LRRC24: variants seen among roughly 807,000 people sequenced by gnomAD.
LRRC24 encodes the protein leucine-rich repeat-containing protein 24.
A neutral mutation model predicts 15.3 loss-of-function variants in LRRC24; 19 were observed. That is an observed-to-expected ratio of 1.25 (90% CI 0.87 to 1.83). The LOEUF (loss-of-function observed/expected upper bound fraction) is 1.83. Ranked by LOEUF, LRRC24 falls within the 40% of genes most tolerant of loss-of-function variation. The probability of loss-of-function intolerance (pLI) is 0.00; values close to 1 mark genes in which losing one functional copy is unlikely to be tolerated. For synonymous variants in LRRC24, 469 were observed against 359.6 expected (o/e 1.30, Z -3.44); for missense variants, 914 against 723.9 (o/e 1.26, Z -3.01).
rs750056163 is a variant in LRRC24, at chr8:144,522,727, GCGGCGC to G, written c.1284_1289del (p.Arg431_Arg432del). The G allele has an allele frequency of 6.3e-7, 1 of 1,592,632 alleles. No individual in the cohort carries two copies. Among genetic ancestry groups the G allele is most frequent in the Non-Finnish European group, 8.5e-7 (1 of 1,171,062 alleles). ...GAGGCCCCCGCGCCTTTTTTCGCCT[GCGGCGC>G]CGGCGACAGATCATGGCGACCAGGA... On this transcript the variant is annotated inframe_deletion, in exon 5 of 5. Transcript: ENST00000529415.
rs752535599 is a variant in LRRC24, at chr8:144,523,297, C to G, written c.720G>C (p.Pro240=). The change falls in exon 5 of 5, where the codon CCG becomes CCC. Residue 240 remains proline (P), a synonymous_variant. Transcript: ENST00000529415. The part of the protein sequence containing the change: ...RDRKIMCAEP[P]RLALQSLLDV... ...CCAGGAGACTCTGGAGCGCCAGGCG[C>G]GGGGGCTCTGCACACATGATCTTCC... The G allele has an allele frequency of 1.2e-6, 2 of 1,610,822 alleles. No individual in the cohort carries two copies. Among genetic ancestry groups the G allele is most frequent in the South Asian group, 1.1e-5 (1 of 90,874 alleles).
chr8:144,522,648 C>A lies in LRRC24; in HGVS notation c.1369G>T (p.Ala457Ser). Reference protein sequence around the residue: ...NDYLDGPCTFAQLEELRDERG... With the variant: ...NDYLDGPCTFSQLEELRDERG... ...TCGTCGCGGAGCTCCTCTAGCTGTG[C>A]GAACGTACAGGGGCCGTCCAAGTAG... The change falls in exon 5 of 5, where the codon GCA becomes TCA. Residue 457 changes from alanine to serine, a missense_variant. Coordinates refer to ENST00000529415, the MANE Select transcript of LRRC24 (RefSeq NM_001024678.4). 6.3e-7 allele frequency: 1 copy of A among 1,586,110 alleles called. No homozygotes were observed. Among genetic ancestry groups the A allele is most frequent in the African/African-American group, 1.4e-5 (1 of 72,588 alleles).
chr8:144,524,246 G>C lies in LRRC24; in HGVS notation c.471C>G (p.Ser157Arg). The stretch of plus-strand genomic sequence containing the variant: ...GAGCCTGGTCCTCCAGCAGCTCAAT[G>C]CTGTTTTCTTGCAGGTGAAGCTCCT... The part of the protein sequence containing the change: ...RLQELHLQEN[S>R]IELLEDQALA... Residue 157 changes from serine (S) to arginine (R), a missense_variant, in exon 4 of 5, where the codon AGC (serine) becomes AGG (arginine). Ser to Arg is a moderately radical substitution (Grantham distance 110). Coordinates refer to ENST00000529415, the MANE Select transcript of LRRC24 (RefSeq NM_001024678.4). 6.2e-7 allele frequency: 1 copy of C among 1,612,554 alleles called. No homozygotes were observed. The highest frequency in any genetic ancestry group is 1.1e-5 in the South Asian group (1 of 91,084).
At position 144,523,111 on chromosome 8, in the gene LRRC24, G is replaced by A. The variant is rs1383251690; in HGVS notation, c.906C>T (p.Gly302=). Reference sequence around the variant, plus strand: ...CTAGCTGGGCCTGGGCTCGCGGCCGGCCCTCGCGAGGCTGGGGCACCTTTC... The same window carrying A: ...CTAGCTGGGCCTGGGCTCGCGGCCGACCCTCGCGAGGCTGGGGCACCTTTC... ...TWRKVPQPRE[G]RPRAQAQLEG... Residue 302 remains glycine (G), a synonymous_variant, in exon 5 of 5, where the codon GGC becomes GGT. Coordinates refer to ENST00000529415, the MANE Select transcript of LRRC24 (RefSeq NM_001024678.4). 3.7e-6 allele frequency: 6 copies of A among 1,609,280 alleles called. No individual in the cohort carries two copies. Among genetic ancestry groups the A allele is most frequent in the Admixed American group, 1.7e-5 (1 of 59,838 alleles).
At position 144,522,725 on chromosome 8, in the gene LRRC24, C is replaced by A; in HGVS notation, c.1292G>T (p.Arg431Met). The A allele has an allele frequency of 1.9e-6, 3 of 1,593,946 alleles. No individual in the cohort carries two copies. Among genetic ancestry groups the A allele is most frequent in the East Asian group, 2.3e-5 (1 of 43,450 alleles). The change falls in exon 5 of 5, where the codon AGG becomes ATG. Residue 431 changes from arginine to methionine, a missense_variant. Coordinates refer to ENST00000529415, the MANE Select transcript of LRRC24 (RefSeq NM_001024678.4). ...CGGAGGCCCCCGCGCCTTTTTTCGC[C>A]TGCGGCGCCGGCGACAGATCATGGC... ...LVAMICRRRR[R>M]RKKARGPPGE... is the part of the protein sequence containing the mutation.
At position 144,522,825 on chromosome 8, in the gene LRRC24, C is replaced by T; in HGVS notation, c.1192G>A (p.Ala398Thr). 1.4e-6 allele frequency: 2 copies of T among 1,471,016 alleles called. No individual in the cohort carries two copies. The highest frequency in any genetic ancestry group is 2.6e-5 in the South Asian group (2 of 77,582). 91.1% of individuals were successfully genotyped at this position (1,471,016 alleles called of 1,614,324 possible). The change falls in exon 5 of 5, where the codon GCC becomes ACC. Residue 398 changes from alanine to threonine, a missense_variant. Physicochemically the swap from Ala to Thr is moderately conservative, Grantham distance 58. Transcript: ENST00000529415. The stretch of plus-strand genomic sequence containing the variant: ...GCCGTCTGTGTGGCCACGCCCAGGG[C>T]GCGGAAGGCCATGCTGCCCGCCTCG... ...RPEAGSMAFRALGVATQTAIA... is the reference protein window; with the variant it reads ...RPEAGSMAFRTLGVATQTAIA...
In LRRC24 at chr8:144,522,690, C is replaced by A; in HGVS notation, c.1327G>T (p.Ala443Ser). 6.3e-7 allele frequency: 1 copy of A among 1,596,448 alleles called. No homozygotes were observed. Among genetic ancestry groups the A allele is most frequent in the Admixed American group, 1.7e-5 (1 of 58,368 alleles). The change falls in exon 5 of 5, where the codon GCG becomes TCG. Residue 443 changes from alanine (A) to serine (S), a missense_variant. Ala to Ser is a moderately conservative substitution (Grantham distance 99, BLOSUM62 1). Coordinates refer to ENST00000529415, the MANE Select transcript of LRRC24 (RefSeq NM_001024678.4). ...KKARGPPGEG[A>S]LFVNDYLDGP... ...TCCAAGTAGTCGTTGACGAACAGCG[C>A]TCCCTCCCCCGGAGGCCCCCGCGCC...
In LRRC24 at chr8:144,522,803, G is replaced by A. The variant is rs111410088; in HGVS notation, c.1214C>T (p.Thr405Met). The A allele has an allele frequency of 4.5e-3, 6,910 of 1,536,924 alleles. 265 individuals carry two copies. The African/African-American group carries it at 0.084, about 19-fold the overall frequency. The change falls in exon 5 of 5, where the codon ACG becomes ATG. Residue 405 changes from threonine to methionine, a missense_variant. Transcript: ENST00000529415. ...AFRALGVATQ[T>M]AIAAAIALLA... The stretch of plus-strand genomic sequence containing the variant: ...CAGCGCGATGGCCGCCGCAATGGCC[G>A]TCTGTGTGGCCACGCCCAGGGCGCG...
chr8:144,525,678 A>G (rs1436331562), intron 1 of LRRC24: 1 of 152,200 alleles, frequency 6.6e-6, no homozygotes, highest in Non-Finnish European at 1.5e-5. Context: ...AACCTGTCAG[A>G]GAATTGGGGG....
Position 144,524,992 on chromosome 8 carries a change from C to T in LRRC24, c.-18G>A, listed in dbSNP as rs1397683440. The T allele has an allele frequency of 1.4e-6, 2 of 1,431,118 alleles. No homozygotes were observed. The highest frequency in any genetic ancestry group is 9.1e-7 in the Non-Finnish European group (1 of 1,094,878). 88.7% of individuals were successfully genotyped at this position (1,431,118 alleles called of 1,614,324 possible). A position where few individuals can be genotyped will look rare whatever the true frequency, so the allele number is the denominator to read the frequency against. On this transcript the variant is annotated 5_prime_UTR_variant, in exon 2 of 5. Transcript: ENST00000529415. ...AGGGCCATCTCCCGAGGCCCGGTTC[C>T]TCACCGGCCCTTCCGCGGTTCAGCC...
rs1458769417 is a variant in LRRC24, at chr8:144,522,903, G to A, written c.1114C>T (p.Pro372Ser). 3 of 1,328,856 alleles carry A rather than the reference G, an allele frequency of 2.3e-6. No individual in the cohort carries two copies. The highest frequency in any genetic ancestry group is 2.9e-6 in the Non-Finnish European group (3 of 1,045,768). The allele number at this position is 1,328,856 out of a possible 1,614,324, so 82.3% of individuals were successfully genotyped here. Residue 372 changes from proline to serine, a missense_variant, in exon 5 of 5, where the codon CCC (proline) becomes TCC (serine). Physicochemically the swap from Pro to Ser is moderately conservative, Grantham distance 74. Coordinates refer to ENST00000529415, the MANE Select transcript of LRRC24 (RefSeq NM_001024678.4). Reference protein sequence around the residue: ...VNASRQQPQQPAQPPPPAARP... With the variant: ...VNASRQQPQQSAQPPPPAARP... ...GCGGCCGGAGGCGGCGGTTGCGCGG[G>A]CTGCTGCGGCTGCTGCCGGGACGCG...
rs1816326817 is a variant in LRRC24, at chr8:144,525,409, A to T, written c.-59-376T>A. 2.0e-5 allele frequency among the ~76,000 whole-genome samples: 3 copies of T among 152,176 alleles called. No individual in the cohort carries two copies. In the South Asian group the frequency reaches 6.2e-4, roughly 31 times the overall value. On this transcript the variant is annotated intron_variant, in intron 1 of 4. Transcript: ENST00000529415. ...CTGCTGCTTGGTTCTAGGGTGCAAGAAGCTGGAAGTACAGGGTATGGCTTG... is the reference window on the plus strand; with the variant it reads ...CTGCTGCTTGGTTCTAGGGTGCAAGTAGCTGGAAGTACAGGGTATGGCTTG...
At position 144,523,927 on chromosome 8, in the gene LRRC24, G is replaced by A. The variant is rs1816238059; in HGVS notation, c.607+183C>T. On this transcript the variant is annotated intron_variant, in intron 4 of 4. Coordinates refer to ENST00000529415, the MANE Select transcript of LRRC24 (RefSeq NM_001024678.4). Reference sequence around the variant, plus strand: ...TCCTGTCTTCTGTTTTCCCCAGGCAGGGTGCCTGAGCTGTATTCCCCAGCA... The same window carrying A: ...TCCTGTCTTCTGTTTTCCCCAGGCAAGGTGCCTGAGCTGTATTCCCCAGCA... 1.2e-5 allele frequency: 8 copies of A among 683,108 alleles called. 1 individual carries two copies. In the South Asian group the frequency reaches 1.6e-4, roughly 13 times the overall value. 42.3% of individuals were successfully genotyped at this position (683,108 alleles called of 1,614,324 possible).
chr8:144,523,602 TC>T, intron 4 of LRRC24, 193 bp from the exon 5 acceptor site: 1 of 813,392 alleles, frequency 1.2e-6, no homozygotes, highest in Non-Finnish European at 1.7e-6. Flanking sequence ...CTCGCCCCCC[TC>T]CCCTTTAGCT....
At chr8:144,524,766 TC>T (rs1816296537) in intron 2 of LRRC24, 47 bp from the exon 3 acceptor site, 1 of 1,433,348 alleles carries the variant, frequency 7.0e-7, no homozygotes, top group Non-Finnish European at 9.1e-7. Context: ...GCGGGGGTCT[TC>T]CTCTCCCTGG....
At chr8:144,525,260 A>T in intron 1 of LRRC24, 1 of 285,776 alleles carries the variant, frequency 3.5e-6, no homozygotes, top group South Asian at 1.3e-4. Context: ...GTGACCATGT[A>T]GGGAGAGCCA....
Position 144,522,568 on chromosome 8 carries a change from A to G in LRRC24, c.1449T>C (p.Gly483=). The change falls in exon 5 of 5, where the codon GGT becomes GGC. Residue 483 remains glycine (G), a synonymous_variant. Coordinates refer to ENST00000529415, the MANE Select transcript of LRRC24 (RefSeq NM_001024678.4). ...INRSKPLFAE[G]PAEAPADCGP... is the part of the protein sequence containing the mutation. ...CGCAGTCAGCGGGCGCCTCCGCCGG[A>G]CCCTCGGCGAAGAGCGGCTTGGAGC... The G allele has an allele frequency of 1.3e-6, 2 of 1,550,868 alleles. No individual in the cohort carries two copies. Among genetic ancestry groups the G allele is most frequent in the African/African-American group, 1.4e-5 (1 of 70,900 alleles).
chr8:144,526,524 G>C (rs987214260), intron 1 of LRRC24: 1 of 152,294 alleles, frequency 6.6e-6, no homozygotes, highest in Non-Finnish European at 1.5e-5. Flanking sequence ...AGGGCCCCAA[G>C]CTGGAAGCAG....
At chr8:144,525,103 C>T (rs906694608) in intron 1 of LRRC24, 70 bp from the exon 2 acceptor site, 10 of 1,051,546 alleles carry the variant, frequency 9.5e-6, no homozygotes, top group Non-Finnish European at 8.8e-6. Context: ...GAGGCCTGCA[C>T]CTGCGTCTAA....
Sources: allele counts gnomAD v4.1 joint callset (sites outside exome capture counted in the v4.1 genomes callset), GRCh38; gene constraint gnomAD v4.1.1; transcripts MANE v1.5; gene names NCBI Gene and HGNC (gene_info 2026-07-23, HGNC 2026-07-21).